PTPRM: variants seen among roughly 807,000 people sequenced by gnomAD.
The protein encoded by PTPRM is receptor-type tyrosine-protein phosphatase mu.
Under a neutral mutation model 186.7 loss-of-function variants are expected in PTPRM, and 47 were observed. The ratio of observed to expected loss-of-function variants is 0.25; its 90% CI spans 0.20 to 0.32. PTPRM has a LOEUF of 0.32. Ranked by LOEUF, PTPRM falls within the 10% of genes least tolerant of loss-of-function variation. The pLI, the probability that PTPRM is intolerant of heterozygous loss-of-function variation, is 1.00. For missense variants in PTPRM, 1,494 were observed against 1,865.0 expected (o/e 0.80, Z 3.66); for synonymous variants, 668 against 674.9 (o/e 0.99, Z 0.16).
intron 7 of PTPRM, among the ~76,000 whole-genome samples, chr18:8,006,341 G>C (rs1311286580): frequency 6.6e-6 from 1 of 152,152 alleles, no homozygotes; most frequent in East Asian, 1.9e-4. Context: ...CATGATCAGT[G>C]TTTCCATGAG....
At chr18:7,948,708 G>C (rs1471592874) in intron 5 of PTPRM, among the ~76,000 whole-genome samples, 1 of 152,148 alleles carries the variant, frequency 6.6e-6, no homozygotes, top group Non-Finnish European at 1.5e-5. Flanking sequence ...TCAATAGGGA[G>C]TACTCTAAAA....
chr18:8,366,028 A>AT (rs1459666542), intron 23 of PTPRM, among the ~76,000 whole-genome samples: 1 of 152,148 alleles, frequency 6.6e-6, no homozygotes, highest in African/African-American at 2.4e-5. Context: ...CCTCTGTCCC[A>AT]CCCCAGAAAT....
intron 13 of PTPRM, among the ~76,000 whole-genome samples, chr18:8,134,895 A>G (rs1239933548): frequency 6.6e-6 from 1 of 152,144 alleles, no homozygotes; most frequent in East Asian, 1.9e-4. Context: ...TCACAGTCAG[A>G]CACCCTGGGT....
chr18:8,044,859 G>A (rs972647050), intron 7 of PTPRM, among the ~76,000 whole-genome samples: 1 of 151,646 alleles, frequency 6.6e-6, no homozygotes, highest in South Asian at 2.1e-4. Flanking sequence ...AAAATAATAA[G>A]TGTTGGCCAG....
At chr18:7,838,978 A>C (rs186266637) in intron 2 of PTPRM, among the ~76,000 whole-genome samples, 1 of 152,352 alleles carries the variant, frequency 6.6e-6, no homozygotes, top group East Asian at 1.9e-4. Context: ...GTACTGCCAG[A>C]CTACCACCAG....
intron 13 of PTPRM, among the ~76,000 whole-genome samples, chr18:8,123,023 G>A (rs2092229905): frequency 6.6e-6 from 1 of 152,190 alleles, no homozygotes; most frequent in African/African-American, 2.4e-5. Context: ...ACCAAGAGAA[G>A]TGAGCTTGTT....
At chr18:7,982,593 A>G (rs979888872) in intron 7 of PTPRM, among the ~76,000 whole-genome samples, 2 of 152,028 alleles carry the variant, frequency 1.3e-5, no homozygotes, top group Non-Finnish European at 2.9e-5. Context: ...AAAACCATAA[A>G]CCAGTAACAT....
Position 8,174,696 on chromosome 18 carries a change from T to A in PTPRM, c.2300+30917T>A, listed in dbSNP as rs147474971. Among the ~76,000 whole-genome samples, 569 of 152,164 alleles carry A rather than the reference T, an allele frequency of 3.7e-3. 2 individuals carry two copies. The highest frequency in any genetic ancestry group is 0.012 in the African/African-American group (507 of 41,518). ...TGAGTAAGAATGCACATACTTTTTT[T>A]AAAAAAAATCTTTGTCATATGACTG... On this transcript the variant is annotated intron_variant, in intron 14 of 32. Coordinates refer to ENST00000580170, the MANE Select transcript of PTPRM (RefSeq NM_001105244.2).
chr18:8,378,766 G>T (rs556214277), intron 27 of PTPRM, among the ~76,000 whole-genome samples: 2 of 152,286 alleles, frequency 1.3e-5, no homozygotes, highest in South Asian at 4.2e-4. Context: ...TTACACCATG[G>T]AAGTGTGTGT....
intron 14 of PTPRM, among the ~76,000 whole-genome samples, chr18:8,211,733 A>G (rs796729393): frequency 9.9e-5 from 15 of 152,166 alleles, no homozygotes; most frequent in African/African-American, 3.1e-4. Context: ...ATTTTCCTCA[A>G]TGAAACAGGA....
At chr18:8,050,208 T>C (rs1012427579) in intron 7 of PTPRM, among the ~76,000 whole-genome samples, 1 of 152,218 alleles carries the variant, frequency 6.6e-6, no homozygotes. Context: ...ATAGATTTGC[T>C]TGACTGGTAT....
chr18:7,612,423 G>A (rs1470263582), intron 1 of PTPRM, among the ~76,000 whole-genome samples: 5 of 152,058 alleles, frequency 3.3e-5, no homozygotes, highest in East Asian at 3.9e-4. Flanking sequence ...TCCTCATGCC[G>A]ATTTCTTCTT....
intron 13 of PTPRM, among the ~76,000 whole-genome samples, chr18:8,120,687 G>A (rs2092139160): frequency 6.6e-6 from 1 of 151,576 alleles, no homozygotes; most frequent in Non-Finnish European, 1.5e-5. Context: ...TTAGAGATGG[G>A]GTTTCACCAT....
intron 4 of PTPRM, among the ~76,000 whole-genome samples, chr18:7,919,513 C>T (rs985307851): frequency 5.3e-5 from 8 of 151,978 alleles, no homozygotes; most frequent in African/African-American, 4.8e-5. Context: ...CACGTATTTG[C>T]GTATTTACTG....
chr18:7,955,499 C>T (rs772875197), intron 7 of PTPRM, 85 bp downstream of exon 7: 115 of 1,465,658 alleles, frequency 7.8e-5, no homozygotes, highest in Non-Finnish European at 1.0e-4. Flanking sequence ...ATGCCTAGCA[C>T]GCTTCCCCTA....
intron 11 of PTPRM, among the ~76,000 whole-genome samples, chr18:8,108,622 A>G (rs895753871): frequency 6.6e-6 from 1 of 152,226 alleles, no homozygotes; most frequent in Non-Finnish European, 1.5e-5. Context: ...TAGATGAAAG[A>G]TGTTCAGATG....
At chr18:8,104,741 C>T (rs1291419435) in intron 11 of PTPRM, among the ~76,000 whole-genome samples, 3 of 152,176 alleles carry the variant, frequency 2.0e-5, no homozygotes, top group African/African-American at 7.2e-5. Context: ...AGGTACCACA[C>T]CCAGCCCTTG....
chr18:7,693,238 G>A (rs565278938), intron 1 of PTPRM, among the ~76,000 whole-genome samples: 3 of 152,248 alleles, frequency 2.0e-5, no homozygotes, highest in African/African-American at 7.2e-5. Context: ...CATTGGAGGG[G>A]TACTACTTGA....
intron 14 of PTPRM, chr18:8,155,216 A>T (rs1408774906): frequency 3.9e-5 from 6 of 152,210 alleles, no homozygotes; most frequent in African/African-American, 1.4e-4. Context: ...AATGTATCTC[A>T]ATAACATGTT....
Sources: allele counts gnomAD v4.1 joint callset (sites outside exome capture counted in the v4.1 genomes callset), GRCh38; gene constraint gnomAD v4.1.1; transcripts MANE v1.5; gene names NCBI Gene and HGNC (gene_info 2026-07-23, HGNC 2026-07-21).